Variants in LYST observed in about 807,000 individuals in gnomAD.
The protein encoded by LYST is lysosomal-trafficking regulator.
A neutral mutation model predicts 413.6 loss-of-function variants in LYST; 192 were observed. That is an observed-to-expected ratio of 0.46 (90% confidence interval 0.41 to 0.52). The LOEUF (loss-of-function observed/expected upper bound fraction) is 0.52. Among genes scored for constraint, LYST ranks in the 20% least tolerant of loss-of-function variants. LYST has a pLI of 0.00. For missense variants in LYST, 3,815 were observed against 4,499.9 expected, an observed-to-expected ratio of 0.85 and a Z score of 4.35; for synonymous variants, 1,525 against 1,567.3, an observed-to-expected ratio of 0.97 and a Z score of 0.64.
intron 16 of LYST, among the ~76,000 whole-genome samples, chr1:235,778,200 C>T (rs1006313400): frequency 3.3e-5 from 5 of 150,154 alleles, no homozygotes; most frequent in Admixed American, 6.6e-5. Flanking sequence ...CCTGCCTGTG[C>T]CTCCCAGAGT....
intron 49 of LYST, 75 bp from the exon 50 acceptor site, chr1:235,677,263 C>T: frequency 8.0e-7 from 1 of 1,256,686 alleles, no homozygotes; most frequent in Non-Finnish European, 1.2e-6. Context: ...AATTCTTCTT[C>T]TCAGTCTATG....
At position 235,687,745 on chromosome 1, in the gene LYST, T is replaced by C. The variant is rs555604905; in HGVS notation, c.10702-698A>G. On this transcript the variant is annotated intron_variant, in intron 47 of 52. Coordinates refer to ENST00000389793, the MANE Select transcript of LYST (RefSeq NM_000081.4). ...CCCCACACTCACTTCACTAAGCAGA[T>C]GGAGACCCCCAGCTGCACACCTCTT... 2.6e-5 allele frequency among the ~76,000 whole-genome samples: 4 copies of C among 152,262 alleles called. No homozygotes were observed. In the South Asian group the frequency reaches 8.3e-4, roughly 32 times the overall value.
At chr1:235,794,770 T>C (rs1297474144) in intron 10 of LYST, among the ~76,000 whole-genome samples, 1 of 152,216 alleles carries the variant, frequency 6.6e-6, no homozygotes, top group Non-Finnish European at 1.5e-5. Context: ...GCATGGACTT[T>C]ATCCTGTACA....
intron 3 of LYST, among the ~76,000 whole-genome samples, chr1:235,823,683 T>G (rs1160763458): frequency 6.6e-6 from 1 of 152,248 alleles, no homozygotes; most frequent in East Asian, 1.9e-4. Context: ...TGTAGTTCAT[T>G]GAATGTGCTG....
chr1:235,665,141 A>G (rs1329723583), intron 50 of LYST, among the ~76,000 whole-genome samples: 1 of 152,168 alleles, frequency 6.6e-6, no homozygotes, highest in Non-Finnish European at 1.5e-5. Flanking sequence ...TAACCAGCGA[A>G]AAAATAAAAA....
chr1:235,782,181 T>A, intron 14 of LYST, 94 bp from the exon 15 acceptor site: 25 of 190,896 alleles, frequency 1.3e-4, no homozygotes, highest in Non-Finnish European at 2.1e-4. Flanking sequence ...TGGGGAATTC[T>A]TTTTTTTTTT....
chr1:235,737,916 A>ACAATGTAG, intron 31 of LYST: 27 of 1,163,404 alleles, frequency 2.3e-5, no homozygotes, highest in East Asian at 1.7e-4. Context: ...GCTGCCGACG[A>ACAATGTAG]GTCTGGATCT....
At chr1:235,834,921 AT>A (rs920477576) in intron 1 of LYST, among the ~76,000 whole-genome samples, 95 of 147,236 alleles carry the variant, frequency 6.5e-4, no homozygotes, top group South Asian at 1.3e-3. Flanking sequence ...TATCATGCAA[AT>A]TTTTTTTTTT....
chr1:235,719,053 T>C (rs1276163973), intron 40 of LYST, among the ~76,000 whole-genome samples: 3 of 152,212 alleles, frequency 2.0e-5, no homozygotes, highest in African/African-American at 7.2e-5. Context: ...AGTTTCACTC[T>C]TGTTATCCAG....
intron 28 of LYST, chr1:235,747,203 C>T (rs1430525313): frequency 4.5e-6 from 2 of 449,314 alleles, no homozygotes; most frequent in Non-Finnish European, 9.0e-6. Context: ...GTAGTGCATC[C>T]AGGAGAAAAC....
chr1:235,809,495 T>C lies in LYST; in HGVS notation c.1323A>G (p.Gly441=). 2 of 1,614,022 alleles carry C rather than the reference T, an allele frequency of 1.2e-6. No homozygotes were observed. The highest frequency in any genetic ancestry group is 1.7e-6 in the Non-Finnish European group (2 of 1,179,970). The change falls in exon 5 of 53, where the codon GGA becomes GGG. Residue 441 remains glycine, a synonymous_variant. Transcript: ENST00000389793. The surrounding 1 kb of genome is among the most constrained non-coding windows in gnomAD (Gnocchi z 4.0). ...DLVQEFIQHH[G]FNLFETAVLQ... ...GAACTGCTGTTTCAAATAAATTAAA[T>C]CCATGATGCTGAATGAATTCTTGAA...
At chr1:235,788,482 C>T (rs558450280) in intron 13 of LYST, among the ~76,000 whole-genome samples, 1 of 152,182 alleles carries the variant, frequency 6.6e-6, no homozygotes, top group Admixed American at 6.5e-5. Flanking sequence ...GCCACCACAC[C>T]CAGCCGAGAA....
intron 47 of LYST, among the ~76,000 whole-genome samples, 165 bp downstream of exon 47, chr1:235,693,185 C>T (rs1046201968): frequency 3.3e-5 from 5 of 151,752 alleles, no homozygotes; most frequent in African/African-American, 1.2e-4. Context: ...GGCGTGGTGG[C>T]AGGTGCCTGT....
chr1:235,759,522 T>C lies in LYST; in HGVS notation c.6331A>G (p.Thr2111Ala), dbSNP rs986570709. Reference sequence around the variant, plus strand: ...TGTGATTGCGTTAGTAGTGAAGAAGTAGGGAATGCTGGTAGGCTTCTAGAA... The same window carrying C: ...TGTGATTGCGTTAGTAGTGAAGAAGCAGGGAATGCTGGTAGGCTTCTAGAA... ...LRSRSLPAFP[T>A]SSLLTQSQKL... The change falls in exon 23 of 53, where the codon ACT becomes GCT. Residue 2111 changes from threonine to alanine, a missense_variant. Thr to Ala is a moderately conservative substitution (Grantham distance 58). Coordinates refer to ENST00000389793, the MANE Select transcript of LYST (RefSeq NM_000081.4). 91 of 1,613,742 alleles carry C rather than the reference T, an allele frequency of 5.6e-5. No individual in the cohort carries two copies. Among genetic ancestry groups the C allele is most frequent in the Non-Finnish European group, 7.3e-5 (86 of 1,179,790 alleles).
intron 29 of LYST, among the ~76,000 whole-genome samples, chr1:235,745,428 C>T (rs544139042): frequency 2.6e-5 from 4 of 152,168 alleles, no homozygotes; most frequent in Non-Finnish European, 2.9e-5. Context: ...ACAACAAACA[C>T]TAGGTAAGGA....
chr1:235,787,402 G>A, intron 13 of LYST, 29 bp from the exon 14 acceptor site: 1 of 1,585,388 alleles, frequency 6.3e-7, no homozygotes, highest in East Asian at 2.2e-5. Context: ...GGCATAGGCT[G>A]AAAACATGAA....
At chr1:235,816,888 TTAAA>T (rs1674173780) in intron 3 of LYST, among the ~76,000 whole-genome samples, 1 of 152,090 alleles carries the variant, frequency 6.6e-6, no homozygotes, top group Non-Finnish European at 1.5e-5. Context: ...TGGGACTTAA[TTAAA>T]GAGCTTCTGC....
intron 15 of LYST, among the ~76,000 whole-genome samples, chr1:235,781,616 C>T (rs756313622): frequency 4.0e-5 from 6 of 151,648 alleles, no homozygotes; most frequent in Non-Finnish European, 5.9e-5. Context: ...TATAAAAAAA[C>T]GCTAAGTTAA....
At chr1:235,705,739 G>C (rs1661932830) in intron 44 of LYST, among the ~76,000 whole-genome samples, 1 of 150,124 alleles carries the variant, frequency 6.7e-6, no homozygotes, top group Non-Finnish European at 1.5e-5. Flanking sequence ...AGATGGTTCA[G>C]GATTATAAAC....
Sources: allele counts gnomAD v4.1 joint callset (sites outside exome capture counted in the v4.1 genomes callset), GRCh38; gene constraint gnomAD v4.1.1; non-coding constraint Gnocchi (gnomAD v3.1); transcripts MANE v1.5; gene names NCBI Gene and HGNC (gene_info 2026-07-23, HGNC 2026-07-21).